The following RALGAPA1 variants were observed in gnomAD, a reference collection of about 807,000 sequenced individuals.
RALGAPA1 encodes the protein Ral GTPase activating protein catalytic subunit alpha 1.
RALGAPA1 carries 52 observed loss-of-function variants against 269.6 expected under a neutral mutation model. The observed-to-expected ratio is 0.19, with a 90% CI of 0.15 to 0.24. RALGAPA1 has a LOEUF of 0.24. Ranked by LOEUF, RALGAPA1 falls within the 10% of genes least tolerant of loss-of-function variation. The pLI is 1.00. For missense variants in RALGAPA1, 1,917 were observed against 3,013.9 expected (o/e 0.64, Z 8.52); for synonymous variants, 817 against 1,008.3 (o/e 0.81, Z 3.60).
chr14:35,557,139 T>TAC (rs2055703451), intron 39 of RALGAPA1, among the ~76,000 whole-genome samples: 2 of 141,566 alleles, frequency 1.4e-5, no homozygotes, highest in Non-Finnish European at 3.1e-5. Context: ...TGTGTGTGTA[T>TAC]ATATATTCTA....
intron 21 of RALGAPA1, among the ~76,000 whole-genome samples, chr14:35,682,768 A>T (rs1285868486): frequency 6.6e-6 from 1 of 152,176 alleles, no homozygotes; most frequent in Non-Finnish European, 1.5e-5. Flanking sequence ...TTTCTCTAGT[A>T]TTCCACTTTG....
rs775168599 is a variant in RALGAPA1, at chr14:35,544,668, CA to C, written c.*23+3839del. On this transcript the variant is annotated intron_variant, in intron 41 of 41. Coordinates refer to ENST00000680220, the MANE Select transcript of RALGAPA1 (RefSeq NM_001346249.2). ...AACATATAAGCCAAATTTCCAAGTTCAAAGTATCAAATAGAACATATCTGGC... is the reference window on the plus strand; with the variant it reads ...AACATATAAGCCAAATTTCCAAGTTCAAGTATCAAATAGAACATATCTGGC... Among the ~76,000 whole-genome samples, 123 of 152,252 alleles carry C rather than the reference CA, an allele frequency of 8.1e-4. 1 individual carries two copies. Among genetic ancestry groups the C allele is most frequent in the Non-Finnish European group, 6.3e-4 (43 of 68,014 alleles).
At chr14:35,709,333 C>A (rs180818543) in intron 16 of RALGAPA1, among the ~76,000 whole-genome samples, 4 of 151,732 alleles carry the variant, frequency 2.6e-5, no homozygotes, top group Non-Finnish European at 5.9e-5. Context: ...ATCTCATGTA[C>A]CCCATAAATA....
chr14:35,717,226 C>A (rs2068914459), intron 16 of RALGAPA1, among the ~76,000 whole-genome samples: 1 of 152,214 alleles, frequency 6.6e-6, no homozygotes, highest in Non-Finnish European at 1.5e-5. Flanking sequence ...TCTCGGCCCA[C>A]TGCAACCTCT....
intron 13 of RALGAPA1, among the ~76,000 whole-genome samples, chr14:35,726,271 A>G (rs2069904087): frequency 6.6e-6 from 1 of 152,238 alleles, no homozygotes; most frequent in South Asian, 2.1e-4. Context: ...AAACAAATGC[A>G]TGCATTTATT....
In RALGAPA1 at chr14:35,601,449, C is replaced by T. The variant is rs556749554; in HGVS notation, c.7053+4137G>A. On this transcript the variant is annotated intron_variant, in intron 36 of 41. Transcript: ENST00000680220. ...GTCTAGGCTCCTTACCTGACCTTTGCTGTGAGGTTGGGGATGGGGTCAAGG... is the reference window on the plus strand; with the variant it reads ...GTCTAGGCTCCTTACCTGACCTTTGTTGTGAGGTTGGGGATGGGGTCAAGG... Among the ~76,000 whole-genome samples the T allele has an allele frequency of 9.9e-5, 15 of 152,242 alleles. No individual in the cohort carries two copies. In the East Asian group the frequency reaches 1.7e-3, roughly 18 times the overall value.
intron 35 of RALGAPA1, among the ~76,000 whole-genome samples, chr14:35,607,999 A>G (rs1332024104): frequency 6.6e-6 from 1 of 152,180 alleles, no homozygotes; most frequent in African/African-American, 2.4e-5. Context: ...AAAACAAGGT[A>G]AATCCTCACT....
At chr14:35,579,868 T>C (rs1418458289) in intron 37 of RALGAPA1, among the ~76,000 whole-genome samples, 2 of 152,176 alleles carry the variant, frequency 1.3e-5, no homozygotes, top group African/African-American at 4.8e-5. Context: ...CTAACTTCAC[T>C]TTTACTAAAA....
chr14:35,645,217 C>T (rs992110275), intron 31 of RALGAPA1, among the ~76,000 whole-genome samples: 5 of 152,106 alleles, frequency 3.3e-5, no homozygotes, highest in Non-Finnish European at 5.9e-5. Flanking sequence ...TTGATGAGGG[C>T]TTCATCCTCA....
chr14:35,580,833 T>C lies in RALGAPA1; in HGVS notation c.7210-8115A>G, dbSNP rs546418550. Among the ~76,000 whole-genome samples the C allele has an allele frequency of 2.3e-3, 343 of 152,294 alleles. 3 individuals are homozygous for C. Among genetic ancestry groups the C allele is most frequent in the Non-Finnish European group, 4.0e-3 (271 of 67,998 alleles). On this transcript the variant is annotated intron_variant, in intron 37 of 41. Transcript: ENST00000680220. ...AATTCTAGCTTGCCAGAGGCATGGC[T>C]ATTTCTTTATACTGACTGTCGACTA...
intron 31 of RALGAPA1, among the ~76,000 whole-genome samples, chr14:35,642,077 C>T (rs117919702): frequency 0.015 from 2,213 of 152,210 alleles, 26 homozygotes; most frequent in Non-Finnish European, 0.025. Context: ...CTAACTCCTG[C>T]CATATATAAA....
chr14:35,642,809 T>A (rs1032010036), intron 31 of RALGAPA1, among the ~76,000 whole-genome samples: 1 of 152,128 alleles, frequency 6.6e-6, no homozygotes, highest in African/African-American at 2.4e-5. Flanking sequence ...GAAATACCAT[T>A]TGACCCAGCC....
At chr14:35,644,878 A>G (rs1320897810) in intron 31 of RALGAPA1, among the ~76,000 whole-genome samples, 1 of 152,242 alleles carries the variant, frequency 6.6e-6, no homozygotes, top group Non-Finnish European at 1.5e-5. Flanking sequence ...ACAAACCTGC[A>G]CATTCTGCAC....
At chr14:35,573,251 C>T (rs1462277555) in intron 37 of RALGAPA1, among the ~76,000 whole-genome samples, 7 of 152,068 alleles carry the variant, frequency 4.6e-5, no homozygotes, top group Non-Finnish European at 1.0e-4. Context: ...AGAGAGTTAA[C>T]ATTATGATAA....
At chr14:35,565,823 T>C (rs1403061859) in intron 39 of RALGAPA1, among the ~76,000 whole-genome samples, 1 of 152,144 alleles carries the variant, frequency 6.6e-6, no homozygotes. Context: ...TCAGAAGTCA[T>C]AGTCAAAATG....
chr14:35,808,514 T>C lies in RALGAPA1; in HGVS notation c.106+216A>G, dbSNP rs146738239. On this transcript the variant is annotated intron_variant, in intron 1 of 41. Coordinates refer to ENST00000680220, the MANE Select transcript of RALGAPA1 (RefSeq NM_001346249.2). ...AATTTTAAAAAATAAGTTCAGACTA[T>C]TAACTCAAAATTAGATTACTGTGTT... Among the ~76,000 whole-genome samples the C allele has an allele frequency of 2.6e-5, 4 of 152,340 alleles. No homozygotes were observed. In the East Asian group the frequency reaches 7.7e-4, roughly 29 times the overall value.
chr14:35,570,125 C>T (rs2057056211), intron 39 of RALGAPA1, among the ~76,000 whole-genome samples: 1 of 151,854 alleles, frequency 6.6e-6, no homozygotes, highest in African/African-American at 2.4e-5. Flanking sequence ...CAAAAATTAG[C>T]TGGGTGTGGT....
chr14:35,723,264 T>A lies in RALGAPA1; in HGVS notation c.1867A>T (p.Thr623Ser). ...GCTTTGATCCAGGCAACTATAAGGG[T>A]CTATAAAGACAAATATCAGAAATAA... ...AGRLAGPLFQ[T>S]LIVAWIKANL... is the part of the protein sequence containing the mutation. The change falls in exon 15 of 42, where the codon ACC (threonine) becomes TCC (serine). Residue 623 changes from threonine (T) to serine (S), a missense_variant and splice_region_variant. Coordinates refer to ENST00000680220, the MANE Select transcript of RALGAPA1 (RefSeq NM_001346249.2). 4.6e-6 allele frequency: 7 copies of A among 1,529,636 alleles called. No individual in the cohort carries two copies. The highest frequency in any genetic ancestry group is 6.3e-6 in the Non-Finnish European group (7 of 1,111,056). 94.8% of individuals were successfully genotyped at this position (1,529,636 alleles called of 1,614,324 possible).
At chr14:35,747,914 T>A (rs536166649) in intron 10 of RALGAPA1, among the ~76,000 whole-genome samples, 7 of 152,052 alleles carry the variant, frequency 4.6e-5, no homozygotes, top group Non-Finnish European at 1.0e-4. Context: ...TTTTCTATAC[T>A]TTCCTTAAGA....
Sources: gnomAD v4.1 joint callset for allele counts (sites outside exome capture counted in the v4.1 genomes callset) on GRCh38, gnomAD v4.1.1 for gene constraint, MANE v1.5 for transcripts, NCBI Gene and HGNC (gene_info 2026-07-23, HGNC 2026-07-21) for gene names.